The following MAGI2 variants were observed in gnomAD, a reference collection of about 807,000 sequenced individuals.
MAGI2 encodes membrane associated guanylate kinase, WW and PDZ domain containing 2.
A neutral mutation model predicts 133.3 loss-of-function variants in MAGI2; 35 were observed. That is an observed-to-expected ratio of 0.26 (90% CI 0.20 to 0.35). MAGI2 has a LOEUF of 0.35. Among genes scored for constraint, MAGI2 ranks in the 10% least tolerant of loss-of-function variants. The probability of loss-of-function intolerance (pLI) is 1.00; values close to 1 mark genes in which losing one functional copy is unlikely to be tolerated. For missense variants in MAGI2, 1,636 were observed against 1,863.4 expected, an observed-to-expected ratio of 0.88 and a Z score of 2.25; for synonymous variants, 729 against 710.6, an observed-to-expected ratio of 1.03 and a Z score of -0.41.
intron 2 of MAGI2, among the ~76,000 whole-genome samples, chr7:78,892,672 C>T (rs1377145331): frequency 6.6e-6 from 1 of 152,090 alleles, no homozygotes; most frequent in Non-Finnish European, 1.5e-5. Context: ...AACTGGCTAG[C>T]CATATGTAGA....
rs1790742849 is a variant in MAGI2 at position 78,344,868 on chromosome 7, T to TA, written c.1226-909dup. Among the ~76,000 whole-genome samples the TA allele has an allele frequency of 1.3e-5, 2 of 152,236 alleles. 1 individual carries two copies. The highest frequency in any genetic ancestry group is 4.1e-4 in the South Asian group (2 of 4,826). The stretch of plus-strand genomic sequence containing the variant: ...ATATTCCTAAGTATAGTAAGTGTTT[T>TA]AAAAAATAATAGTCATACTAGGAAA... On this transcript the variant is annotated intron_variant, in intron 8 of 21. Transcript: ENST00000354212.
chr7:79,119,424 A>G (rs984199598), intron 1 of MAGI2, among the ~76,000 whole-genome samples: 4 of 152,104 alleles, frequency 2.6e-5, no homozygotes, highest in African/African-American at 9.7e-5. Flanking sequence ...AATGAATACC[A>G]TTTGCCTGAA....
At chr7:78,289,736 C>G (rs964965524) in intron 9 of MAGI2, among the ~76,000 whole-genome samples, 2 of 152,140 alleles carry the variant, frequency 1.3e-5, no homozygotes, top group African/African-American at 2.4e-5. Context: ...AAAGGAAGCC[C>G]GTCAGACTAA....
intron 21 of MAGI2, among the ~76,000 whole-genome samples, chr7:78,054,645 C>T (rs545640273): frequency 6.9e-6 from 1 of 145,262 alleles, no homozygotes; most frequent in South Asian, 2.2e-4. Context: ...ACCTGACTTG[C>T]TATTTCACTT....
chr7:78,329,589 T>C (rs1788961253), intron 9 of MAGI2, among the ~76,000 whole-genome samples: 1 of 152,240 alleles, frequency 6.6e-6, no homozygotes, highest in South Asian at 2.1e-4. Flanking sequence ...TTATTTCTCT[T>C]AGCAGAAACA....
chr7:78,074,094 A>G (rs1815017099), intron 21 of MAGI2, among the ~76,000 whole-genome samples: 1 of 152,162 alleles, frequency 6.6e-6, no homozygotes, highest in Admixed American at 6.5e-5. Flanking sequence ...CAGCTGCTCC[A>G]CAACCTCTGT....
At chr7:78,515,184 C>T (rs1173315605) in intron 4 of MAGI2, among the ~76,000 whole-genome samples, 1 of 152,120 alleles carries the variant, frequency 6.6e-6, no homozygotes, top group Admixed American at 6.5e-5. Context: ...AAAGCTTAAC[C>T]TAATTACTCT....
intron 9 of MAGI2, among the ~76,000 whole-genome samples, chr7:78,340,946 G>A (rs1170197193): frequency 6.6e-6 from 1 of 152,200 alleles, no homozygotes; most frequent in Non-Finnish European, 1.5e-5. Flanking sequence ...AGTATTGGAA[G>A]TTCTGGCTGG....
intron 2 of MAGI2, among the ~76,000 whole-genome samples, chr7:78,895,408 AACAT>A: frequency 6.6e-6 from 1 of 152,250 alleles, no homozygotes; most frequent in South Asian, 2.1e-4. Context: ...AACAGCATCT[AACAT>A]ATATATTTTT....
chr7:78,276,368 T>C (rs1795057051), intron 9 of MAGI2, among the ~76,000 whole-genome samples: 1 of 152,172 alleles, frequency 6.6e-6, no homozygotes, highest in Admixed American at 6.5e-5. Context: ...GGTTCTTAAA[T>C]TTATTAACCT....
At chr7:79,264,255 G>GA (rs1038392114) in intron 1 of MAGI2, among the ~76,000 whole-genome samples, 2 of 152,058 alleles carry the variant, frequency 1.3e-5, no homozygotes, top group Non-Finnish European at 1.5e-5. Flanking sequence ...TCCTAACACA[G>GA]ATTTTTTTTG....
chr7:78,591,859 G>A lies in MAGI2; in HGVS notation c.538+35261C>T, dbSNP rs184416108. On this transcript the variant is annotated intron_variant, in intron 3 of 21. Transcript: ENST00000354212. ...GACCAAGATAAGAACATAAGAATCA[G>A]TCACAAAAATATAAGAAGAGCAAGA... Among the ~76,000 whole-genome samples, 300 of 152,220 alleles carry A rather than the reference G, an allele frequency of 2.0e-3. 1 individual carries two copies. The highest frequency in any genetic ancestry group is 6.8e-3 in the African/African-American group (284 of 41,548).
At chr7:78,072,737 GT>G in intron 21 of MAGI2, 1 of 395,966 alleles carries the variant, frequency 2.5e-6, no homozygotes, top group East Asian at 3.6e-5. Flanking sequence ...CTGGTGTGCA[GT>G]GGCACGATCA....
At chr7:79,075,989 T>A (rs1420236154) in intron 1 of MAGI2, among the ~76,000 whole-genome samples, 1 of 152,224 alleles carries the variant, frequency 6.6e-6, no homozygotes, top group African/African-American at 2.4e-5. Flanking sequence ...ACATCAATGC[T>A]TACAGCAAAT....
At chr7:79,329,595 T>C (rs754263886) in intron 1 of MAGI2, among the ~76,000 whole-genome samples, 10 of 152,342 alleles carry the variant, frequency 6.6e-5, no homozygotes, top group Non-Finnish European at 1.0e-4. Flanking sequence ...TAGCCACATA[T>C]AGAATCAGTG....
At chr7:78,999,261 G>T (rs377246795) in intron 2 of MAGI2, among the ~76,000 whole-genome samples, 1 of 151,806 alleles carries the variant, frequency 6.6e-6, no homozygotes, top group Non-Finnish European at 1.5e-5. Flanking sequence ...ATTTTATGTG[G>T]TTGCGAAGAT....
At chr7:78,718,564 T>C (rs1819947999) in intron 2 of MAGI2, among the ~76,000 whole-genome samples, 1 of 151,732 alleles carries the variant, frequency 6.6e-6, no homozygotes, top group Admixed American at 6.6e-5. Flanking sequence ...TGTCCGCTCC[T>C]TATGAGAATC....
chr7:78,197,665 G>A (rs1236152082), intron 11 of MAGI2, among the ~76,000 whole-genome samples: 1 of 152,246 alleles, frequency 6.6e-6, no homozygotes, highest in Non-Finnish European at 1.5e-5. Flanking sequence ...TTCATGCTTA[G>A]TAAAGCATTC....
chr7:79,201,827 GT>G, intron 1 of MAGI2, among the ~76,000 whole-genome samples: 1 of 151,834 alleles, frequency 6.6e-6, no homozygotes, highest in Non-Finnish European at 1.5e-5. Flanking sequence ...TTCAAATTAT[GT>G]TTGGATTTGT....
Sources: gnomAD v4.1 joint callset for allele counts (sites outside exome capture counted in the v4.1 genomes callset) on GRCh38, gnomAD v4.1.1 for gene constraint, MANE v1.5 for transcripts, NCBI Gene and HGNC (gene_info 2026-07-23, HGNC 2026-07-21) for gene names.